The following USP50 variants were observed in gnomAD, a reference collection of about 807,000 sequenced individuals.
USP50 encodes the protein ubiquitin specific peptidase 50.
In USP50, 37 loss-of-function variants were observed where a neutral mutation model predicts 39.2. The observed-to-expected ratio is 0.94, with a 90% confidence interval of 0.73 to 1.24. The LOEUF is 1.24. Ranked by LOEUF, USP50 falls within the 50% of genes most tolerant of loss-of-function variation. The pLI is 0.00. For synonymous variants in USP50, 139 were observed against 144.5 expected (o/e 0.96, Z 0.27); for missense variants, 374 against 398.2 (o/e 0.94, Z 0.52).
intron 1 of USP50, among the ~76,000 whole-genome samples, chr15:50,545,756 C>T (rs968865975): frequency 3.3e-5 from 5 of 151,758 alleles, no homozygotes; most frequent in African/African-American, 9.7e-5. Flanking sequence ...AAATATAGAT[C>T]TTAGTTTAAA....
Position 50,538,829 on chromosome 15 carries a change from T to C in USP50, c.683A>G (p.Gln228Arg), listed in dbSNP as rs76757570. ...GTTGTTCCAGGTCAGTGCGTCTTGTTGAAAAAAACATTGGAGACAGTCCTG... is the reference window on the plus strand; with the variant it reads ...GTTGTTCCAGGTCAGTGCGTCTTGTCGAAAAAAACATTGGAGACAGTCCTG... ...SLRDCLQCFF[Q>R]QDALTWNNEI... Residue 228 changes from glutamine (Q) to arginine (R), a missense_variant, in exon 5 of 7, where the codon CAA becomes CGA. Coordinates refer to ENST00000532404, the MANE Select transcript of USP50 (RefSeq NM_203494.5). The C allele has an allele frequency of 8.0e-4, 1,283 of 1,609,494 alleles. 10 individuals are homozygous for C. The African/African-American group carries it at 0.016, about 20-fold the overall frequency.
intron 6 of USP50, among the ~76,000 whole-genome samples, chr15:50,527,361 C>T (rs1489955225): frequency 2.6e-5 from 4 of 151,862 alleles, no homozygotes; most frequent in Non-Finnish European, 5.9e-5. Flanking sequence ...CATGCCACCA[C>T]GCCTGGCTAA....
downstream of USP50, chr15:50,497,320 C>G: frequency 6.9e-7 from 1 of 1,458,598 alleles, no homozygotes; most frequent in African/African-American, 1.4e-5. Context: ...TACTGCCTGC[C>G]ATGGGCACAT....
chr15:50,519,061 C>T (rs770645494), intron 6 of USP50, among the ~76,000 whole-genome samples: 22 of 150,816 alleles, frequency 1.5e-4, no homozygotes, highest in South Asian at 4.2e-4. Context: ...CAGACGCGGG[C>T]GAATCACTTG....
chr15:50,544,829 T>A, intron 1 of USP50, 48 bp from the exon 2 acceptor site: 1 of 1,542,046 alleles, frequency 6.5e-7, no homozygotes, highest in South Asian at 1.2e-5. Flanking sequence ...GAACAAAATA[T>A]GTACAAATGA....
chr15:50,515,538 A>C (rs905161863), intron 6 of USP50, among the ~76,000 whole-genome samples: 4 of 151,952 alleles, frequency 2.6e-5, no homozygotes, highest in African/African-American at 9.7e-5. Context: ...CACCACACCC[A>C]GACTATGAGG....
At chr15:50,508,198 A>C (rs982114691) in intron 6 of USP50, 1 of 152,146 alleles carries the variant, frequency 6.6e-6, no homozygotes, top group Non-Finnish European at 1.5e-5. Context: ...TTAAAAAAAC[A>C]CTTCTAAGTA....
chr15:50,538,645 T>C (rs2053002499), intron 5 of USP50, 64 bp downstream of exon 5: 3 of 1,452,076 alleles, frequency 2.1e-6, no homozygotes, highest in African/African-American at 2.9e-5. Context: ...ATTATTGGCA[T>C]GTGAATTTTA....
intron 5 of USP50, among the ~76,000 whole-genome samples, chr15:50,537,907 A>AG (rs2052993703): frequency 3.5e-4 from 2 of 5,658 alleles, no homozygotes; most frequent in African/African-American, 1.1e-3. Flanking sequence ...AGGGAAGGGG[A>AG]GGGAAGGGAA....
chr15:50,533,189 T>TAAAAAAAAAAAAAAAAAAAAAAAAAAACA (rs575991636), intron 5 of USP50, among the ~76,000 whole-genome samples: 2 of 78,786 alleles, frequency 2.5e-5, no homozygotes, highest in Non-Finnish European at 2.7e-5. Flanking sequence ...GAAAATAGAC[T>TAAAAAAAAAAAAAAAAAAAAAAAAAAACA]AAAAAAAAAA....
chr15:50,544,835 A>G, intron 1 of USP50, 54 bp from the exon 2 acceptor site: 1 of 1,506,740 alleles, frequency 6.6e-7, no homozygotes, highest in East Asian at 2.3e-5. Context: ...AATATGTACA[A>G]ATGACAATAA....
intron 6 of USP50, chr15:50,503,812 A>G (rs571671554): frequency 1.3e-5 from 2 of 152,366 alleles, no homozygotes; most frequent in African/African-American, 2.4e-5. Context: ...TGAAACCCCA[A>G]TGAAGTTGAG....
intron 6 of USP50, chr15:50,506,952 CA>C (rs2052669809): frequency 1.4e-5 from 1 of 70,918 alleles, no homozygotes; most frequent in Non-Finnish European, 2.3e-5. Context: ...AGCGAGACTT[CA>C]TCTCAAAAAA....
chr15:50,515,379 T>C (rs978821149), intron 6 of USP50, among the ~76,000 whole-genome samples: 1 of 151,982 alleles, frequency 6.6e-6, no homozygotes, highest in East Asian at 1.9e-4. Flanking sequence ...GTAGCTGAGA[T>C]TATGGGCATG....
intron 6 of USP50, chr15:50,506,957 C>CAAAAAAAAAAAAAA (rs58329541): frequency 6.5e-5 from 3 of 46,224 alleles, no homozygotes; most frequent in African/African-American, 1.9e-4. Flanking sequence ...GACTTCATCT[C>CAAAAAAAAAAAAAA]AAAAAAAAAA....
intron 4 of USP50, among the ~76,000 whole-genome samples, chr15:50,539,553 C>G (rs1314359004): frequency 6.6e-6 from 1 of 151,930 alleles, no homozygotes; most frequent in Non-Finnish European, 1.5e-5. Flanking sequence ...GTAGCCGAGA[C>G]TACAGGCGCG....
chr15:50,535,456 C>T (rs2052972470), intron 5 of USP50, among the ~76,000 whole-genome samples: 1 of 152,200 alleles, frequency 6.6e-6, no homozygotes, highest in Non-Finnish European at 1.5e-5. Context: ...TGTTAAAACA[C>T]ACTTTAACAA....
intron 5 of USP50, among the ~76,000 whole-genome samples, chr15:50,538,213 G>C (rs1022999850): frequency 7.8e-5 from 11 of 141,360 alleles, no homozygotes; most frequent in African/African-American, 2.4e-4. Context: ...GGAGGTGGAG[G>C]TTGCAGTGAG....
chr15:50,531,502 C>T (rs939877627), intron 5 of USP50, among the ~76,000 whole-genome samples: 3 of 150,822 alleles, frequency 2.0e-5, no homozygotes, highest in Admixed American at 6.6e-5. Context: ...ATTATAGGGA[C>T]GGAAATCAGA....
Sources: allele counts gnomAD v4.1 joint callset (sites outside exome capture counted in the v4.1 genomes callset), GRCh38; gene constraint gnomAD v4.1.1; transcripts MANE v1.5; gene names NCBI Gene and HGNC (gene_info 2026-07-23, HGNC 2026-07-21).